Variants in NALF1 observed in about 807,000 individuals in gnomAD.
The protein encoded by NALF1 is NALCN channel auxiliary factor 1.
A neutral mutation model predicts 48.4 loss-of-function variants in NALF1; 3 were observed. That is an observed-to-expected ratio of 0.06 (90% CI 0.03 to 0.16). The LOEUF (loss-of-function observed/expected upper bound fraction) is 0.16, where lower values mean the gene tolerates loss of function less well. NALF1 is among the 10% of genes least tolerant of loss of function. The pLI is 1.00. For synonymous variants in NALF1, 262 were observed against 245.7 expected (o/e 1.07, Z -0.62); for missense variants, 526 against 571.5 (o/e 0.92, Z 0.81).
At chr13:107,705,982 G>A (rs1881937609) in intron 1 of NALF1, among the ~76,000 whole-genome samples, 1 of 152,174 alleles carries the variant, frequency 6.6e-6, no homozygotes, top group African/African-American at 2.4e-5. Flanking sequence ...TTTGAGCTTA[G>A]TGGTGCAGTG....
At chr13:107,742,125 C>T (rs1331750461) in intron 1 of NALF1, among the ~76,000 whole-genome samples, 11 of 152,170 alleles carry the variant, frequency 7.2e-5, no homozygotes, top group Admixed American at 5.9e-4. Flanking sequence ...CCTCATTCAG[C>T]GGGATCCAGT....
At chr13:107,185,183 G>A (rs191989071) in intron 2 of NALF1, among the ~76,000 whole-genome samples, 19 of 152,234 alleles carry the variant, frequency 1.2e-4, no homozygotes, top group African/African-American at 4.6e-4. Flanking sequence ...CATAGCCTCA[G>A]GGGAACCTAT....
intron 1 of NALF1, among the ~76,000 whole-genome samples, chr13:107,657,213 TCA>T (rs1044291332): frequency 3.3e-5 from 5 of 152,112 alleles, no homozygotes; most frequent in Non-Finnish European, 5.9e-5. Context: ...ATTTTCAGTT[TCA>T]AACTTTTTCC....
At chr13:107,853,240 T>C (rs1247135438) in intron 1 of NALF1, among the ~76,000 whole-genome samples, 1 of 152,184 alleles carries the variant, frequency 6.6e-6, no homozygotes, top group Non-Finnish European at 1.5e-5. Flanking sequence ...AAAGTTGATA[T>C]TGTGAGAAAA....
intron 1 of NALF1, among the ~76,000 whole-genome samples, chr13:107,779,637 G>A (rs184681724): frequency 1.8e-4 from 27 of 152,260 alleles, no homozygotes; most frequent in Non-Finnish European, 3.7e-4. Context: ...CCAAGCACTC[G>A]TTCTGTAGTC....
chr13:107,432,577 T>C (rs555252197), intron 1 of NALF1, among the ~76,000 whole-genome samples: 215 of 152,232 alleles, frequency 1.4e-3, no homozygotes, highest in Non-Finnish European at 2.5e-3. Flanking sequence ...AAGTAGAATG[T>C]CTGCTACGAA....
chr13:107,598,833 T>G (rs912636920), intron 1 of NALF1, among the ~76,000 whole-genome samples: 31 of 152,120 alleles, frequency 2.0e-4, no homozygotes, highest in African/African-American at 7.5e-4. Flanking sequence ...TTATCATTAT[T>G]TACTTACTCT....
At chr13:107,563,660 A>G (rs1256155913) in intron 1 of NALF1, among the ~76,000 whole-genome samples, 3 of 152,242 alleles carry the variant, frequency 2.0e-5, no homozygotes, top group African/African-American at 7.2e-5. Flanking sequence ...CTCTTTACTG[A>G]AAGTCTTTGA....
intron 1 of NALF1, among the ~76,000 whole-genome samples, chr13:107,234,792 T>TA (rs1297386087): frequency 6.6e-6 from 1 of 152,202 alleles, no homozygotes; most frequent in Non-Finnish European, 1.5e-5. Flanking sequence ...TGCCTTCCAA[T>TA]ATGGTTATAC....
intron 1 of NALF1, among the ~76,000 whole-genome samples, chr13:107,457,614 A>T (rs1422417265): frequency 6.6e-6 from 1 of 152,228 alleles, no homozygotes; most frequent in Non-Finnish European, 1.5e-5. Flanking sequence ...GGCAAAGATA[A>T]ATTAAAACAT....
chr13:107,825,565 T>C (rs74839047), intron 1 of NALF1, among the ~76,000 whole-genome samples: 5,811 of 152,296 alleles, frequency 0.038, 351 homozygotes, highest in East Asian at 0.28. Context: ...CAATAACTGC[T>C]GGAAATATTA....
At chr13:107,823,554 T>C (rs1879419958) in intron 1 of NALF1, among the ~76,000 whole-genome samples, 2 of 152,224 alleles carry the variant, frequency 1.3e-5, no homozygotes, top group Admixed American at 1.3e-4. Context: ...TGCTCTGGTC[T>C]CACTGGCTTT....
At chr13:107,248,991 A>G (rs1053837633) in intron 1 of NALF1, among the ~76,000 whole-genome samples, 2 of 151,300 alleles carry the variant, frequency 1.3e-5, no homozygotes, top group Admixed American at 6.6e-5. Context: ...CAACATATAT[A>G]TATGTTGTGT....
intron 1 of NALF1, among the ~76,000 whole-genome samples, chr13:107,214,460 A>G (rs1416219775): frequency 6.6e-6 from 1 of 152,216 alleles, no homozygotes; most frequent in African/African-American, 2.4e-5. Flanking sequence ...AAATAATTAT[A>G]TGAAACGAAA....
intron 1 of NALF1, among the ~76,000 whole-genome samples, chr13:107,236,135 G>A (rs1353906656): frequency 6.6e-6 from 1 of 152,106 alleles, no homozygotes; most frequent in Non-Finnish European, 1.5e-5. Context: ...AGGAAAGGCT[G>A]GCGTAGGCAG....
rs372591165 is a variant in NALF1, at chr13:107,576,681, G to A, written c.915+289001C>T. Among the ~76,000 whole-genome samples the A allele has an allele frequency of 3.9e-5, 6 of 152,184 alleles. No individual in the cohort carries two copies. In the South Asian group the frequency reaches 8.3e-4, roughly 21 times the overall value. On this transcript the variant is annotated intron_variant, in intron 1 of 2. Transcript: ENST00000375915. ...TCATGATCTGGACTCTGTGAAATTC[G>A]GTAGAATCAGCCAGACAAATTGGAA...
At chr13:107,363,131 T>C (rs778918034) in intron 1 of NALF1, among the ~76,000 whole-genome samples, 3 of 152,238 alleles carry the variant, frequency 2.0e-5, no homozygotes, top group Admixed American at 1.3e-4. Flanking sequence ...CATTTGTTCA[T>C]TTCTATTGAA....
intron 1 of NALF1, among the ~76,000 whole-genome samples, chr13:107,673,505 G>C (rs1881039247): frequency 6.6e-6 from 1 of 152,136 alleles, no homozygotes. Flanking sequence ...CATGAGCTCA[G>C]ATCATAGCGT....
intron 1 of NALF1, among the ~76,000 whole-genome samples, chr13:107,255,584 A>T (rs2391436): frequency 2.6e-5 from 4 of 152,328 alleles, no homozygotes; most frequent in Non-Finnish European, 4.4e-5. Flanking sequence ...GTCCATTTTG[A>T]TATAAACGAA....
Sources: gnomAD v4.1 joint callset for allele counts (sites outside exome capture counted in the v4.1 genomes callset) on GRCh38, gnomAD v4.1.1 for gene constraint, MANE v1.5 for transcripts, NCBI Gene and HGNC (gene_info 2026-07-23, HGNC 2026-07-21) for gene names.